Variants in CSF2RB observed in about 807,000 individuals in gnomAD.
CSF2RB encodes the protein cytokine receptor common subunit beta.
A neutral mutation model predicts 67.2 loss-of-function variants in CSF2RB; 22 were observed. The observed-to-expected ratio is 0.33, with a 90% confidence interval of 0.23 to 0.47. The LOEUF is 0.47. CSF2RB is among the 20% of genes least tolerant of loss of function. The pLI is 1.00. For synonymous variants in CSF2RB, 507 were observed against 482.9 expected, an observed-to-expected ratio of 1.05 and a Z score of -0.65; for missense variants, 1,113 against 1,174.5, an observed-to-expected ratio of 0.95 and a Z score of 0.76.
In CSF2RB at chr22:36,935,352, G is replaced by T; in HGVS notation, c.1317G>T (p.Val439=). Residue 439 remains valine, a splice_region_variant and synonymous_variant, in exon 11 of 14, where the codon GTG becomes GTT. Coordinates refer to ENST00000403662, the MANE Select transcript of CSF2RB (RefSeq NM_000395.3). ...CTCTTTCTCCCCGGCTGCTGGAAGT[G>T]CTGCCTATGTGGGTGCTGGCCCTCA... is the stretch of plus-strand genomic sequence containing the variant. ...SEARSWDTES[V]LPMWVLALIV... 6.2e-7 allele frequency: 1 copy of T among 1,614,176 alleles called. No individual in the cohort carries two copies. Among genetic ancestry groups the T allele is most frequent in the Non-Finnish European group, 8.5e-7 (1 of 1,180,014 alleles).
At chr22:36,926,607 T>C (rs757507949) in intron 4 of CSF2RB, among the ~76,000 whole-genome samples, 9 of 151,892 alleles carry the variant, frequency 5.9e-5, no homozygotes, top group Non-Finnish European at 1.0e-4. Flanking sequence ...AGAGATGGGG[T>C]CAGCCTTCCC....
At position 36,937,532 on chromosome 22, in the gene CSF2RB, C is replaced by T; in HGVS notation, c.1724C>T (p.Ala575Val). The change falls in exon 14 of 14, where the codon GCC becomes GTC. Residue 575 changes from alanine (A) to valine (V), a missense_variant. Coordinates refer to ENST00000403662, the MANE Select transcript of CSF2RB (RefSeq NM_000395.3). The surrounding 1 kb of genome is among the most constrained non-coding windows in gnomAD (Gnocchi z 4.6). ...CCCAGCCCCCAGCCAGGCCCGCCTG[C>T]CGCCTCCCACACACCTGAGAAACAG... ...QPPSPQPGPP[A>V]ASHTPEKQAS... 2 of 1,613,792 alleles carry T rather than the reference C, an allele frequency of 1.2e-6. No individual in the cohort carries two copies. The highest frequency in any genetic ancestry group is 1.7e-6 in the Non-Finnish European group (2 of 1,179,872).
intron 1 of CSF2RB, among the ~76,000 whole-genome samples, chr22:36,914,833 A>T (rs940287972): frequency 2.0e-5 from 3 of 152,104 alleles, no homozygotes; most frequent in Non-Finnish European, 4.4e-5. Context: ...CAGTATACAG[A>T]TATACCAACA....
rs117180950 is a variant in CSF2RB at position 36,937,372 on chromosome 22, C to T, written c.1569-5C>T. The T allele has an allele frequency of 5.1e-4, 817 of 1,613,196 alleles. 12 individuals are homozygous for T. The East Asian group carries it at 0.018, about 35-fold the overall frequency. ...CCAACTCTTCTGCCCATTTTCTTCC[C>T]ACAGGGTGTTCCCTGTAGGATTCGG... On this transcript the variant is annotated splice_region_variant and splice_polypyrimidine_tract_variant and intron_variant, in intron 13 of 13. Transcript: ENST00000403662. The surrounding 1 kb of genome is among the most constrained non-coding windows in gnomAD (Gnocchi z 4.6).
At chr22:36,917,754 C>T (rs1228329181) in intron 1 of CSF2RB, among the ~76,000 whole-genome samples, 1 of 152,080 alleles carries the variant, frequency 6.6e-6, no homozygotes, top group South Asian at 2.1e-4. Flanking sequence ...GAAACCCAGC[C>T]TCTACTAAAG....
chr22:36,924,127 G>A (rs114063448), intron 3 of CSF2RB, among the ~76,000 whole-genome samples: 7,919 of 112,272 alleles, frequency 0.071, 494 homozygotes, highest in African/African-American at 0.2. Context: ...CCCCTCCACC[G>A]CCTTCAGTTC....
chr22:36,923,176 G>A, intron 2 of CSF2RB, 68 bp from the exon 3 acceptor site: 1 of 1,612,798 alleles, frequency 6.2e-7, no homozygotes, highest in South Asian at 1.1e-5. Context: ...TCCCAAAGCA[G>A]CTGGGGGTGA....
At position 36,940,277 on chromosome 22, in the gene CSF2RB, T is replaced by G. The variant is rs527853164; in HGVS notation, c.*1775T>G. 12 of 152,250 alleles carry G rather than the reference T, an allele frequency of 7.9e-5. No individual in the cohort carries two copies. Among genetic ancestry groups the G allele is most frequent in the Non-Finnish European group, 1.6e-4 (11 of 68,042 alleles). The allele number at this position is 152,250 out of a possible 1,614,324, so 9.4% of individuals were successfully genotyped here. A position where few individuals can be genotyped will look rare whatever the true frequency, so the allele number is the denominator to read the frequency against. ...AAACAACTTGAATGTTCAATGGTCCTGAAATACATAACAACATTTTAGTAC... is the reference window on the plus strand; with the variant it reads ...AAACAACTTGAATGTTCAATGGTCCGGAAATACATAACAACATTTTAGTAC... On this transcript the variant is annotated 3_prime_UTR_variant, in exon 14 of 14. Coordinates refer to ENST00000403662, the MANE Select transcript of CSF2RB (RefSeq NM_000395.3).
At chr22:36,920,892 A>G (rs1322133612) in intron 1 of CSF2RB, among the ~76,000 whole-genome samples, 2 of 152,170 alleles carry the variant, frequency 1.3e-5, no homozygotes, top group Non-Finnish European at 2.9e-5. Context: ...ATTTTTTTAA[A>G]TTTAATATTT....
At chr22:36,926,902 T>C (rs1326392149) in intron 4 of CSF2RB, among the ~76,000 whole-genome samples, 3 of 150,988 alleles carry the variant, frequency 2.0e-5, no homozygotes, top group Admixed American at 6.6e-5. Flanking sequence ...AAACCCATGC[T>C]GGTGGCAGGC....
At chr22:36,928,774 G>A (rs190658973) in intron 4 of CSF2RB, among the ~76,000 whole-genome samples, 334 of 152,292 alleles carry the variant, frequency 2.2e-3, no homozygotes, top group Non-Finnish European at 3.6e-3. Flanking sequence ...CAGCCTGGAG[G>A]TAGGGAAGGG....
Position 36,938,043 on chromosome 22 carries a change from T to G in CSF2RB, c.2235T>G (p.Cys745Trp). Residue 745 changes from cysteine (C) to tryptophan (W), a missense_variant, in exon 14 of 14, where the codon TGT becomes TGG. Physicochemically the swap from Cys to Trp is radical, Grantham distance 215. Coordinates refer to ENST00000403662, the MANE Select transcript of CSF2RB (RefSeq NM_000395.3). Reference protein sequence around the residue: ...GLPSDQTPSLCPGLASGPPGA... With the variant: ...GLPSDQTPSLWPGLASGPPGA... ...CCTCAGACCAGACCCCCAGCTTATG[T>G]CCTGGGCTGGCCAGTGGACCCCCTG... 1 of 1,613,990 alleles carries G rather than the reference T, an allele frequency of 6.2e-7. No individual in the cohort carries two copies.
intron 2 of CSF2RB, 97 bp downstream of exon 2, chr22:36,922,380 C>T: frequency 1.7e-6 from 2 of 1,201,096 alleles, no homozygotes; most frequent in Non-Finnish European, 2.4e-6. Context: ...TGCCCGCCAG[C>T]CCTCCTCCTG....
At chr22:36,922,492 G>A (rs746943003) in intron 2 of CSF2RB, 21 of 606,360 alleles carry the variant, frequency 3.5e-5, no homozygotes, top group Admixed American at 1.1e-4. Context: ...CCAGCTGAGC[G>A]TGTCTGGCTT....
Position 36,938,800 on chromosome 22 carries a change from A to AT in CSF2RB, c.*305dup, listed in dbSNP as rs1400816422. On this transcript the variant is annotated 3_prime_UTR_variant, in exon 14 of 14. Coordinates refer to ENST00000403662, the MANE Select transcript of CSF2RB (RefSeq NM_000395.3). ...GATATACTCATTCCATCTCCCCCTC[A>AT]TTTTTTTAATCAGGTTTCCTTGCTT... 7.4e-6 allele frequency: 4 copies of AT among 538,490 alleles called. No homozygotes were observed. Among genetic ancestry groups the AT allele is most frequent in the Non-Finnish European group, 1.3e-5 (4 of 306,016 alleles). The allele number at this position is 538,490 out of a possible 1,614,324, so 33.4% of individuals were successfully genotyped here.
intron 3 of CSF2RB, 54 bp from the exon 4 acceptor site, chr22:36,925,933 C>A (rs1275304381): frequency 1.9e-6 from 3 of 1,591,734 alleles, no homozygotes; most frequent in Non-Finnish European, 2.6e-6. Flanking sequence ...AGGAACCTTT[C>A]GTGAGTCAGT....
chr22:36,921,091 ATGTGTATGTGTGTC>A (rs1471763122), intron 1 of CSF2RB, among the ~76,000 whole-genome samples: 1 of 133,522 alleles, frequency 7.5e-6, no homozygotes, highest in African/African-American at 2.5e-5. Flanking sequence ...TTGTGCATGT[ATGTGTATGTGTGTC>A]TGTGTATGTG....
intron 3 of CSF2RB, chr22:36,923,796 T>C: frequency 7.8e-7 from 1 of 1,290,116 alleles, no homozygotes; most frequent in Non-Finnish European, 1.0e-6. Flanking sequence ...AGTTCACAGA[T>C]GGGAAAACTG....
chr22:36,929,041 G>T (rs1040828197), intron 4 of CSF2RB, among the ~76,000 whole-genome samples: 1 of 152,208 alleles, frequency 6.6e-6, no homozygotes, highest in Admixed American at 6.5e-5. Context: ...CAGCAGGAGG[G>T]GGGAGGCCGC....
Sources: allele counts gnomAD v4.1 joint callset (sites outside exome capture counted in the v4.1 genomes callset), GRCh38; gene constraint gnomAD v4.1.1; non-coding constraint Gnocchi (gnomAD v3.1); transcripts MANE v1.5; gene names NCBI Gene and HGNC (gene_info 2026-07-23, HGNC 2026-07-21).